SPAG16: variants seen among roughly 807,000 people sequenced by gnomAD.
SPAG16 encodes sperm-associated antigen 16 protein.
A neutral mutation model predicts 80.4 loss-of-function variants in SPAG16; 86 were observed. The ratio of observed to expected loss-of-function variants is 1.07; its 90% CI spans 0.90 to 1.28. The LOEUF (loss-of-function observed/expected upper bound fraction) is 1.28. SPAG16 is among the 50% of genes most tolerant of loss of function. The probability of loss-of-function intolerance (pLI) is 0.00; values close to 1 mark genes in which losing one functional copy is unlikely to be tolerated. For missense variants in SPAG16, 870 were observed against 765.3 expected (o/e 1.14, Z -1.61); for synonymous variants, 294 against 265.9 (o/e 1.11, Z -1.03).
At chr2:213,950,980 G>A (rs116237897) in intron 12 of SPAG16, among the ~76,000 whole-genome samples, 22,014 of 149,994 alleles carry the variant, frequency 0.15, 2,004 homozygotes, top group Non-Finnish European at 0.21. Context: ...CCAAAGTGTT[G>A]GGATTACAGG....
At chr2:213,651,170 A>T (rs964622503) in intron 10 of SPAG16, among the ~76,000 whole-genome samples, 1 of 152,172 alleles carries the variant, frequency 6.6e-6, no homozygotes, top group African/African-American at 2.4e-5. Context: ...ACAAACACAC[A>T]CAACTTGTTA....
intron 10 of SPAG16, among the ~76,000 whole-genome samples, chr2:213,636,855 A>G (rs2062382094): frequency 6.6e-6 from 1 of 152,106 alleles, no homozygotes; most frequent in Non-Finnish European, 1.5e-5. Context: ...AGCTTTTTGG[A>G]TGAGTGTTTA....
intron 9 of SPAG16, among the ~76,000 whole-genome samples, chr2:213,406,135 T>A (rs1162735411): frequency 6.6e-6 from 1 of 152,230 alleles, no homozygotes; most frequent in Non-Finnish European, 1.5e-5. Flanking sequence ...TTTCAATAGT[T>A]TCCTGTTTTC....
intron 10 of SPAG16, among the ~76,000 whole-genome samples, chr2:213,688,143 T>G (rs957193914): frequency 1.3e-5 from 2 of 152,186 alleles, no homozygotes; most frequent in African/African-American, 4.8e-5. Flanking sequence ...AATTTAAACA[T>G]TTTCTAGTTG....
At chr2:214,320,021 A>T (rs1239287301) in intron 15 of SPAG16, among the ~76,000 whole-genome samples, 2 of 152,250 alleles carry the variant, frequency 1.3e-5, no homozygotes, top group African/African-American at 2.4e-5. Context: ...ATACAAGCTC[A>T]GGTGAAATCG....
chr2:214,049,912 T>TA (rs1158979249), intron 13 of SPAG16, among the ~76,000 whole-genome samples: 1 of 152,242 alleles, frequency 6.6e-6, no homozygotes, highest in Non-Finnish European at 1.5e-5. Context: ...AAAAAAGAGA[T>TA]ATAACATATG....
chr2:214,163,004 G>C (rs1050336532), intron 15 of SPAG16, among the ~76,000 whole-genome samples: 16 of 152,000 alleles, frequency 1.1e-4, no homozygotes, highest in Admixed American at 3.9e-4. Context: ...TTATTAACTA[G>C]TTATTCAAAT....
At chr2:213,913,634 T>TATATGTATATGTACATGTACAC (rs2077802182) in intron 11 of SPAG16, among the ~76,000 whole-genome samples, 1 of 17,994 alleles carries the variant, frequency 5.6e-5, no homozygotes, top group African/African-American at 9.5e-5. Flanking sequence ...TACATGTACA[T>TATATGTATATGTACATGTACAC]ATATGTATAT....
intron 13 of SPAG16, among the ~76,000 whole-genome samples, chr2:214,035,778 G>A (rs939660321): frequency 2.6e-5 from 4 of 152,160 alleles, no homozygotes; most frequent in African/African-American, 9.7e-5. Context: ...GCACAAGGAA[G>A]CCCACATCCA....
rs146829760 is a variant in SPAG16 at position 213,384,518 on chromosome 2, C to T, written c.942+9399C>T. ...AAAACTATGAGTCCCTGAGTATCAA[C>T]GCCATGCTAGACCCTGTGTCAACAG... On this transcript the variant is annotated intron_variant, in intron 9 of 15. Transcript: ENST00000331683. Among the ~76,000 whole-genome samples the T allele has an allele frequency of 5.2e-4, 79 of 152,248 alleles. 3 individuals carry two copies. The South Asian group carries it at 7.3e-3, about 14-fold the overall frequency.
intron 10 of SPAG16, among the ~76,000 whole-genome samples, chr2:213,820,016 G>A (rs1394530971): frequency 1.3e-5 from 2 of 149,452 alleles, no homozygotes; most frequent in Non-Finnish European, 3.0e-5. Flanking sequence ...GACCTCAGGT[G>A]ATCCACCTGC....
intron 15 of SPAG16, among the ~76,000 whole-genome samples, chr2:214,343,839 T>A (rs1037500651): frequency 2.0e-5 from 3 of 152,120 alleles, no homozygotes; most frequent in Non-Finnish European, 4.4e-5. Context: ...ATTGAATATC[T>A]GGCTTACTGA....
chr2:213,340,264 T>A lies in SPAG16; in HGVS notation c.638T>A (p.Leu213His). 1.3e-6 allele frequency: 2 copies of A among 1,587,504 alleles called. No homozygotes were observed. Among genetic ancestry groups the A allele is most frequent in the Non-Finnish European group, 1.7e-6 (2 of 1,157,586 alleles). The part of the protein sequence containing the change: ...VQEKNKLIND[L>H]KGLKLHYASY... The stretch of plus-strand genomic sequence containing the variant: ...GAAAAAAACAAATTAATTAATGACC[T>A]CAAAGGGTAAGCTTATACTTGTTGG... The change falls in exon 6 of 16, where the codon CTC (leucine) becomes CAC (histidine). Residue 213 changes from leucine to histidine, a missense_variant. Leu to His is a moderately conservative substitution (Grantham distance 99). Coordinates refer to ENST00000331683, the MANE Select transcript of SPAG16 (RefSeq NM_024532.5).
intron 11 of SPAG16, among the ~76,000 whole-genome samples, chr2:213,924,986 G>T (rs1351555574): frequency 6.6e-6 from 1 of 151,272 alleles, no homozygotes; most frequent in Non-Finnish European, 1.5e-5. Flanking sequence ...TTCTTATACT[G>T]GTTTGGAAGT....
At chr2:213,976,585 T>A (rs943496759) in intron 12 of SPAG16, among the ~76,000 whole-genome samples, 2 of 152,050 alleles carry the variant, frequency 1.3e-5, no homozygotes, top group African/African-American at 4.8e-5. Flanking sequence ...TATGATCATG[T>A]GCATGGAGAA....
intron 11 of SPAG16, among the ~76,000 whole-genome samples, chr2:213,888,652 C>T (rs921980836): frequency 2.0e-5 from 3 of 151,734 alleles, no homozygotes; most frequent in Non-Finnish European, 2.9e-5. Flanking sequence ...AGCTGGAAAA[C>T]AGATGTTTTT....
At chr2:214,033,329 C>T (rs772560115) in intron 13 of SPAG16, among the ~76,000 whole-genome samples, 1 of 152,088 alleles carries the variant, frequency 6.6e-6, no homozygotes, top group Non-Finnish European at 1.5e-5. Context: ...CATATATAAA[C>T]ATGTTATTTC....
At chr2:213,604,975 TATAA>T (rs1360824525) in intron 10 of SPAG16, among the ~76,000 whole-genome samples, 1 of 149,880 alleles carries the variant, frequency 6.7e-6, no homozygotes, top group Non-Finnish European at 1.5e-5. Flanking sequence ...TTATGTTTTG[TATAA>T]ATAAACATTG....
At chr2:213,959,727 T>G (rs913579910) in intron 12 of SPAG16, among the ~76,000 whole-genome samples, 1 of 152,192 alleles carries the variant, frequency 6.6e-6, no homozygotes, top group Non-Finnish European at 1.5e-5. Flanking sequence ...CATCAGTACC[T>G]GTAACCTCTC....
Sources: allele counts gnomAD v4.1 joint callset (sites outside exome capture counted in the v4.1 genomes callset), GRCh38; gene constraint gnomAD v4.1.1; transcripts MANE v1.5; gene names NCBI Gene and HGNC (gene_info 2026-07-23, HGNC 2026-07-21).